RABEP1: variants seen among roughly 807,000 people sequenced by gnomAD.
RABEP1 encodes the protein rabaptin, RAB GTPase binding effector protein 1.
In RABEP1, 51 loss-of-function variants were observed where a neutral mutation model predicts 123.4. The observed-to-expected ratio is 0.41, with a 90% CI of 0.33 to 0.52. The LOEUF is 0.52. Among genes scored for constraint, RABEP1 ranks in the 20% least tolerant of loss-of-function variants. The pLI is 0.16. For synonymous variants in RABEP1, 347 were observed against 355.2 expected, an observed-to-expected ratio of 0.98 and a Z score of 0.26; for missense variants, 888 against 996.3, an observed-to-expected ratio of 0.89 and a Z score of 1.46.
intron 1 of RABEP1, among the ~76,000 whole-genome samples, chr17:5,283,190 C>G (rs1017080378): frequency 6.6e-6 from 1 of 151,704 alleles, no homozygotes; most frequent in Non-Finnish European, 1.5e-5. Flanking sequence ...ATAAAAATAG[C>G]AACACGAATG....
Position 5,373,464 on chromosome 17 carries a change from T to C in RABEP1, c.2025+10T>C. On this transcript the variant is annotated intron_variant, in intron 13 of 17. Coordinates refer to ENST00000537505, the MANE Select transcript of RABEP1 (RefSeq NM_004703.6). ...CCCAGACACTACAGAGGTAACTTAC[T>C]TTCCACATGATCAAAAATGTCAACA... is the stretch of plus-strand genomic sequence containing the variant. 1 of 1,586,006 alleles carries C rather than the reference T, an allele frequency of 6.3e-7. No homozygotes were observed.
At position 5,310,561 on chromosome 17, in the gene RABEP1, G is replaced by A. The variant is rs778251648; in HGVS notation, c.163+1739G>A. ...TCTCAAACTCCTGACCTTGTGATCC[G>A]CCCGCTTCGGCCTCCCAAAGTGCTG... On this transcript the variant is annotated intron_variant, in intron 2 of 17. Transcript: ENST00000537505. Among the ~76,000 whole-genome samples, 28 of 151,800 alleles carry A rather than the reference G, an allele frequency of 1.8e-4. No individual in the cohort carries two copies. The East Asian group carries it at 4.1e-3, about 22-fold the overall frequency.
At chr17:5,292,945 G>A (rs1567864248) in intron 1 of RABEP1, among the ~76,000 whole-genome samples, 2 of 152,190 alleles carry the variant, frequency 1.3e-5, no homozygotes, top group Non-Finnish European at 1.5e-5. Context: ...GCATCTCAAA[G>A]TGCTGGCATT....
intron 5 of RABEP1, among the ~76,000 whole-genome samples, chr17:5,342,407 G>A (rs544334619): frequency 6.6e-6 from 1 of 152,246 alleles, no homozygotes; most frequent in African/African-American, 2.4e-5. Context: ...GGAGGCCAAG[G>A]TAGGGGGATC....
chr17:5,283,009 G>A (rs896054456), intron 1 of RABEP1, among the ~76,000 whole-genome samples: 1 of 152,238 alleles, frequency 6.6e-6, no homozygotes, highest in African/African-American at 2.4e-5. Flanking sequence ...GGATTTAGTA[G>A]CATTCCCTGA....
At chr17:5,305,079 G>A (rs1338562856) in intron 1 of RABEP1, among the ~76,000 whole-genome samples, 1 of 152,162 alleles carries the variant, frequency 6.6e-6, no homozygotes, top group African/African-American at 2.4e-5. Context: ...TTTGTGTGAT[G>A]AGAGCTATTT....
chr17:5,325,379 A>C lies in RABEP1; in HGVS notation c.164-6570A>C, dbSNP rs187886395. ...AGAATGAAATCCTGTCATTTGCAGC[A>C]ACATGGATGGAACTGGAAGTCATTA... On this transcript the variant is annotated intron_variant, in intron 2 of 17. Coordinates refer to ENST00000537505, the MANE Select transcript of RABEP1 (RefSeq NM_004703.6). 3.2e-3 allele frequency among the ~76,000 whole-genome samples: 482 copies of C among 152,222 alleles called. 3 individuals carry two copies. The highest frequency in any genetic ancestry group is 0.011 in the African/African-American group (445 of 41,528).
chr17:5,312,152 G>A (rs1314600240), intron 2 of RABEP1, among the ~76,000 whole-genome samples: 3 of 152,090 alleles, frequency 2.0e-5, no homozygotes, highest in Non-Finnish European at 2.9e-5. Context: ...ACTAATTTTA[G>A]TTATCCCTCT....
intron 7 of RABEP1, 54 bp from the exon 8 acceptor site, chr17:5,354,305 T>C (rs547779596): frequency 8.7e-6 from 13 of 1,489,310 alleles, no homozygotes; most frequent in Non-Finnish European, 1.2e-5. Flanking sequence ...AAGAACTGTG[T>C]CACTTATTAA....
At chr17:5,300,147 T>C (rs1410463667) in intron 1 of RABEP1, among the ~76,000 whole-genome samples, 1 of 152,116 alleles carries the variant, frequency 6.6e-6, no homozygotes, top group Non-Finnish European at 1.5e-5. Flanking sequence ...GGAAGGAAAA[T>C]CTACCCAGCT....
intron 9 of RABEP1, among the ~76,000 whole-genome samples, chr17:5,362,484 T>A (rs983452022): frequency 1.3e-5 from 2 of 152,226 alleles, no homozygotes; most frequent in African/African-American, 4.8e-5. Flanking sequence ...AAGAAACTAT[T>A]CTCATTGGTC....
chr17:5,380,391 C>A lies in RABEP1; in HGVS notation c.2299C>A (p.Gln767Lys). 6.4e-7 allele frequency: 1 copy of A among 1,572,964 alleles called. No homozygotes were observed. Among genetic ancestry groups the A allele is most frequent in the Non-Finnish European group, 8.6e-7 (1 of 1,157,930 alleles). Residue 767 changes from glutamine to lysine, a missense_variant, in exon 16 of 18, where the codon CAA (glutamine) becomes AAA (lysine). Gln to Lys is a moderately conservative substitution (Grantham distance 53). Transcript: ENST00000537505. ...QLESTLREKS[Q>K]QLESLQEIKI... Reference sequence around the variant, plus strand: ...GGAGTCCACATTAAGAGAGAAGTCTCAACAGCTTGAGAGTCTTCAGGAAAT... The same window carrying A: ...GGAGTCCACATTAAGAGAGAAGTCTAAACAGCTTGAGAGTCTTCAGGAAAT...
intron 3 of RABEP1, among the ~76,000 whole-genome samples, chr17:5,334,851 A>C (rs116059751): frequency 1.5e-3 from 233 of 152,274 alleles, no homozygotes; most frequent in African/African-American, 5.3e-3. Context: ...AGTGTCTAAG[A>C]ACATAGATTT....
chr17:5,358,800 A>AG (rs1347750171), intron 8 of RABEP1, among the ~76,000 whole-genome samples: 25 of 152,284 alleles, frequency 1.6e-4, no homozygotes, highest in African/African-American at 6.0e-4. Context: ...CTTGCCACCC[A>AG]GGCTGGCTAG....
At chr17:5,283,092 T>C (rs1184332427) in intron 1 of RABEP1, among the ~76,000 whole-genome samples, 2 of 152,066 alleles carry the variant, frequency 1.3e-5, no homozygotes, top group Non-Finnish European at 1.5e-5. Context: ...ACCAGCAAGC[T>C]CTGGGCTCAT....
chr17:5,345,014 A>T (rs1179425890), intron 5 of RABEP1, among the ~76,000 whole-genome samples: 3 of 152,186 alleles, frequency 2.0e-5, no homozygotes, highest in Non-Finnish European at 4.4e-5. Flanking sequence ...GCTGTCGGTT[A>T]ACAAAAGAGG....
Position 5,367,823 on chromosome 17 carries a change from G to T in RABEP1, c.1786-547G>T, listed in dbSNP as rs983360326. 4.0e-5 allele frequency among the ~76,000 whole-genome samples: 6 copies of T among 148,896 alleles called. 1 individual carries two copies. The East Asian group carries it at 1.3e-3, about 31-fold the overall frequency. On this transcript the variant is annotated intron_variant, in intron 11 of 17. Transcript: ENST00000537505. ...CAGGCTAGAGTACAGGGTGCGTTCTGGGCTCACTGCAACCTCTGCCTCCCG... is the reference window on the plus strand; with the variant it reads ...CAGGCTAGAGTACAGGGTGCGTTCTTGGCTCACTGCAACCTCTGCCTCCCG...
chr17:5,370,885 TAA>T (rs1910471392), intron 12 of RABEP1, among the ~76,000 whole-genome samples: 1 of 152,174 alleles, frequency 6.6e-6, no homozygotes, highest in African/African-American at 2.4e-5. Flanking sequence ...GTTTACAGTT[TAA>T]GTACTGTGTT....
chr17:5,317,290 C>T (rs1389791701), intron 2 of RABEP1, among the ~76,000 whole-genome samples: 1 of 152,132 alleles, frequency 6.6e-6, no homozygotes, highest in East Asian at 1.9e-4. Context: ...GTTGGTGCAA[C>T]ACCTGAAAAT....
Sources: allele counts gnomAD v4.1 joint callset (sites outside exome capture counted in the v4.1 genomes callset), GRCh38; gene constraint gnomAD v4.1.1; transcripts MANE v1.5; gene names NCBI Gene and HGNC (gene_info 2026-07-23, HGNC 2026-07-21).